Variants in KLHL1 observed in about 807,000 individuals in gnomAD.
The protein encoded by KLHL1 is kelch-like protein 1.
In KLHL1, 47 loss-of-function variants were observed where a neutral mutation model predicts 77.7. That is an observed-to-expected ratio of 0.60 (90% CI 0.48 to 0.77). The LOEUF is 0.77. Ranked by LOEUF, KLHL1 falls within the 30% of genes least tolerant of loss-of-function variation. KLHL1 has a pLI of 0.00. For synonymous variants in KLHL1, 360 were observed against 325.2 expected (o/e 1.11, Z -1.15); for missense variants, 925 against 910.8 (o/e 1.02, Z -0.20).
chr13:69,961,241 T>G, intron 3 of KLHL1, 67 bp downstream of exon 3: 1 of 1,467,258 alleles, frequency 6.8e-7, no homozygotes, highest in East Asian at 2.3e-5. Context: ...CGTTAAATCC[T>G]GTACTTAAAG....
intron 7 of KLHL1, among the ~76,000 whole-genome samples, chr13:69,757,957 C>CA (rs59302694): frequency 0.012 from 878 of 72,998 alleles, 53 homozygotes; most frequent in East Asian, 0.099. Flanking sequence ...AACTCCATCT[C>CA]AAAAAAAAAA....
At chr13:70,104,014 G>A (rs1887988436) in intron 1 of KLHL1, among the ~76,000 whole-genome samples, 1 of 152,112 alleles carries the variant, frequency 6.6e-6, no homozygotes, top group Admixed American at 6.6e-5. Context: ...AAAAAAGCAA[G>A]CAGTTAAAAC....
intron 1 of KLHL1, among the ~76,000 whole-genome samples, chr13:70,055,300 T>A (rs1886719540): frequency 1.3e-5 from 2 of 151,860 alleles, no homozygotes; most frequent in Admixed American, 6.6e-5. Flanking sequence ...AAGGAAAAAA[T>A]ATTTTATCCT....
chr13:69,918,027 A>G (rs1019835370), intron 4 of KLHL1, among the ~76,000 whole-genome samples: 68 of 152,082 alleles, frequency 4.5e-4, no homozygotes, highest in Admixed American at 2.1e-3. Flanking sequence ...CACACTTGCT[A>G]TTTTGATCAA....
At chr13:69,949,559 T>C (rs1883639600) in intron 3 of KLHL1, among the ~76,000 whole-genome samples, 1 of 151,774 alleles carries the variant, frequency 6.6e-6, no homozygotes, top group Non-Finnish European at 1.5e-5. Context: ...TTAGTACCTT[T>C]ACATACTGTA....
chr13:70,004,536 G>C (rs374277719), intron 1 of KLHL1, among the ~76,000 whole-genome samples: 52 of 151,642 alleles, frequency 3.4e-4, no homozygotes, highest in African/African-American at 1.1e-3. Context: ...ACTAGTCCAC[G>C]TTTCCTTTTT....
At chr13:70,074,016 G>T (rs1477107927) in intron 1 of KLHL1, among the ~76,000 whole-genome samples, 1 of 151,882 alleles carries the variant, frequency 6.6e-6, no homozygotes, top group Non-Finnish European at 1.5e-5. Flanking sequence ...ACTAGAGATG[G>T]GGTTTCTCCA....
intron 1 of KLHL1, among the ~76,000 whole-genome samples, chr13:70,054,293 C>A (rs1001524668): frequency 2.0e-5 from 3 of 151,900 alleles, no homozygotes; most frequent in Non-Finnish European, 2.9e-5. Flanking sequence ...TAATACAAAT[C>A]GAATTTTTAC....
chr13:69,969,697 T>TA (rs1009544112), intron 2 of KLHL1, among the ~76,000 whole-genome samples: 3 of 151,730 alleles, frequency 2.0e-5, no homozygotes, highest in Non-Finnish European at 2.9e-5. Context: ...GCTAACTCAT[T>TA]AAAAAAAACT....
intron 7 of KLHL1, among the ~76,000 whole-genome samples, chr13:69,763,083 G>A (rs1875104958): frequency 6.6e-6 from 1 of 152,220 alleles, no homozygotes; most frequent in African/African-American, 2.4e-5. Context: ...AATAAATGAG[G>A]CAAGAATTAG....
intron 10 of KLHL1, among the ~76,000 whole-genome samples, chr13:69,705,464 A>G (rs1244543489): frequency 6.6e-6 from 1 of 151,696 alleles, no homozygotes; most frequent in East Asian, 1.9e-4. Context: ...ATAATCAGCC[A>G]TTTGTGGCTG....
At chr13:70,055,539 G>A (rs1310734399) in intron 1 of KLHL1, among the ~76,000 whole-genome samples, 1 of 152,006 alleles carries the variant, frequency 6.6e-6, no homozygotes, top group Non-Finnish European at 1.5e-5. Context: ...CACTAAGATT[G>A]CATTAACTAG....
intron 4 of KLHL1, among the ~76,000 whole-genome samples, chr13:69,938,608 T>A (rs1486649316): frequency 2.0e-5 from 3 of 152,058 alleles, no homozygotes; most frequent in South Asian, 2.1e-4. Context: ...CAGGAGCTCC[T>A]AAAGTTAATG....
At chr13:70,061,834 A>G (rs934043879) in intron 1 of KLHL1, among the ~76,000 whole-genome samples, 14 of 152,094 alleles carry the variant, frequency 9.2e-5, no homozygotes, top group African/African-American at 3.4e-4. Context: ...ATCATTGTAC[A>G]TATTTATTGG....
At chr13:69,823,974 A>G (rs568467889) in intron 6 of KLHL1, among the ~76,000 whole-genome samples, 22 of 151,924 alleles carry the variant, frequency 1.4e-4, no homozygotes, top group Non-Finnish European at 3.1e-4. Context: ...GTATATCATT[A>G]TGTGTGTGTG....
At chr13:69,852,277 A>C (rs1180274721) in intron 5 of KLHL1, among the ~76,000 whole-genome samples, 2 of 151,922 alleles carry the variant, frequency 1.3e-5, no homozygotes, top group African/African-American at 2.4e-5. Context: ...TGTAAAAAGC[A>C]TCTGGAACTG....
chr13:69,834,260 A>C (rs1878891253), intron 6 of KLHL1, among the ~76,000 whole-genome samples: 1 of 151,898 alleles, frequency 6.6e-6, no homozygotes, highest in Non-Finnish European at 1.5e-5. Context: ...AAGTACATAA[A>C]TTGGGGGGAG....
chr13:69,961,397 C>G lies in KLHL1; in HGVS notation c.728G>C (p.Ser243Thr). Residue 243 changes from serine to threonine, a missense_variant, in exon 3 of 11, where the codon AGT becomes ACT. By Grantham distance (58) the Ser-to-Thr change is moderately conservative (BLOSUM62 1). Transcript: ENST00000377844. ...CTCTTGCTTGGCTTCACAAACATCACTTGTAAACATGGCCGCAAAATAGTC... is the reference window on the plus strand; with the variant it reads ...CTCTTGCTTGGCTTCACAAACATCAGTTGTAAACATGGCCGCAAAATAGTC... ...VSDYFAAMFT[S>T]DVCEAKQEEI... is the part of the protein sequence containing the mutation. 1 of 1,613,064 alleles carries G rather than the reference C, an allele frequency of 6.2e-7. No homozygotes were observed. The highest frequency in any genetic ancestry group is 1.3e-5 in the African/African-American group (1 of 74,968).
chr13:70,028,506 C>G (rs1886012141), intron 1 of KLHL1, among the ~76,000 whole-genome samples: 2 of 152,140 alleles, frequency 1.3e-5, no homozygotes, highest in South Asian at 4.1e-4. Flanking sequence ...AAATGTGACA[C>G]ATTTTTCAGG....
Sources: allele counts gnomAD v4.1 joint callset (sites outside exome capture counted in the v4.1 genomes callset), GRCh38; gene constraint gnomAD v4.1.1; transcripts MANE v1.5; gene names NCBI Gene and HGNC (gene_info 2026-07-23, HGNC 2026-07-21).